SHPK: variants seen among roughly 807,000 people sequenced by gnomAD.
SHPK encodes the protein carbohydrate kinase-like protein.
Under a neutral mutation model 46.3 loss-of-function variants are expected in SHPK, and 51 were observed. That is an observed-to-expected ratio of 1.10 (90% CI 0.88 to 1.39). The LOEUF (loss-of-function observed/expected upper bound fraction) is 1.39. Among genes scored for constraint, SHPK ranks in the 40% most tolerant of loss-of-function variants. The pLI is 0.00. For missense variants in SHPK, 668 were observed against 641.3 expected (o/e 1.04, Z -0.45); for synonymous variants, 290 against 273.9 (o/e 1.06, Z -0.58).
chr17:3,631,160 A>AT (rs1242560543), intron 1 of SHPK, among the ~76,000 whole-genome samples: 14 of 152,054 alleles, frequency 9.2e-5, no homozygotes, highest in Non-Finnish European at 1.6e-4. Context: ...GAGGGGTAGG[A>AT]TGGGGCAGGG....
At chr17:3,620,265 CTT>C (rs546448686) in intron 5 of SHPK, among the ~76,000 whole-genome samples, 4 of 145,824 alleles carry the variant, frequency 2.7e-5, no homozygotes, top group Non-Finnish European at 4.6e-5. Context: ...TTCTACACTT[CTT>C]TTTTTTTTTT....
chr17:3,636,242 CCA>C lies in SHPK; in HGVS notation c.-25_-24del. Reference sequence around the variant, plus strand: ...CATTATCTCCCTGACCCGCGCAGCTCCAGTCTGCAGCCAGCGGCCCCACAAGT... The same window carrying C: ...CATTATCTCCCTGACCCGCGCAGCTCGTCTGCAGCCAGCGGCCCCACAAGT... On this transcript the variant is annotated 5_prime_UTR_variant, in exon 1 of 7. Transcript: ENST00000225519. 6.3e-7 allele frequency: 1 copy of C among 1,581,054 alleles called. No individual in the cohort carries two copies. The highest frequency in any genetic ancestry group is 8.6e-7 in the Non-Finnish European group (1 of 1,159,028).
At position 3,621,619 on chromosome 17, in the gene SHPK, C is replaced by CCTT. The variant is rs1555554366; in HGVS notation, c.648-208_648-207insAAG. Reference sequence around the variant, plus strand: ...CCATTCCTTCCCTCCCTCCCTCCCTCCCTTCCTTCCTTCCTTCCTTCTTTC... The same window carrying CCTT: ...CCATTCCTTCCCTCCCTCCCTCCCTCCTTCCTTCCTTCCTTCCTTCCTTCTTTC... On this transcript the variant is annotated intron_variant, in intron 4 of 6. Transcript: ENST00000225519. 1.7e-4 allele frequency among the ~76,000 whole-genome samples: 19 copies of CCTT among 112,302 alleles called. No homozygotes were observed. In the South Asian group the frequency reaches 3.6e-3, roughly 22 times the overall value. 73.7% of individuals were successfully genotyped at this position (112,302 alleles called of 152,430 possible).
chr17:3,634,901 G>T (rs1359000225), intron 1 of SHPK, among the ~76,000 whole-genome samples: 1 of 152,094 alleles, frequency 6.6e-6, no homozygotes, highest in African/African-American at 2.4e-5. Context: ...GCCAGGCGCA[G>T]TGACTCACAA....
Position 3,623,463 on chromosome 17 carries a change from C to A in SHPK, c.523G>T (p.Ala175Ser). Reference sequence around the variant, plus strand: ...ACCACATAGTCGTGGATGGTACCGGCTGCGTCGTAGGACTTCAGGAACTCT... The same window carrying A: ...ACCACATAGTCGTGGATGGTACCGGATGCGTCGTAGGACTTCAGGAACTCT... ...RPEFLKSYDA[A>S]GTIHDYVVAM... The change falls in exon 4 of 7, where the codon GCC (alanine) becomes TCC (serine). Residue 175 changes from alanine to serine, a missense_variant. Physicochemically the swap from Ala to Ser is moderately conservative, Grantham distance 99. Coordinates refer to ENST00000225519, the MANE Select transcript of SHPK (RefSeq NM_013276.4). 1 of 1,614,180 alleles carries A rather than the reference C, an allele frequency of 6.2e-7. No individual in the cohort carries two copies. Among genetic ancestry groups the A allele is most frequent in the Non-Finnish European group, 8.5e-7 (1 of 1,179,992 alleles).
intron 5 of SHPK, 123 bp downstream of exon 5, chr17:3,621,114 T>A: frequency 1.2e-6 from 1 of 828,614 alleles, no homozygotes; most frequent in Non-Finnish European, 1.8e-6. Flanking sequence ...CTTTACAGAA[T>A]AATGATCTCC....
At chr17:3,619,300 C>G (rs2075386094) in intron 5 of SHPK, 3 of 930,024 alleles carry the variant, frequency 3.2e-6, no homozygotes, top group Non-Finnish European at 5.1e-6. Context: ...AGCTTCACAT[C>G]TCTTTTGATC....
chr17:3,623,263 C>A, intron 4 of SHPK, 76 bp downstream of exon 4: 2 of 1,534,570 alleles, frequency 1.3e-6, no homozygotes, highest in Non-Finnish European at 1.8e-6. Flanking sequence ...TGGGAAAGCA[C>A]CCACTGAAGC....
At chr17:3,619,035 C>CTT (rs57225767) in intron 5 of SHPK, among the ~76,000 whole-genome samples, 13,245 of 149,046 alleles carry the variant, frequency 0.089, 743 homozygotes, top group East Asian at 0.23. Context: ...CATGTTCTCA[C>CTT]TTTTTTTTTT....
chr17:3,610,364 G>T lies in SHPK; in HGVS notation c.*196C>A. The T allele has an allele frequency of 1.7e-6, 1 of 592,138 alleles. No individual in the cohort carries two copies. The highest frequency in any genetic ancestry group is 2.9e-6 in the Non-Finnish European group (1 of 340,158). The allele number at this position is 592,138 out of a possible 1,614,324, so 36.7% of individuals were successfully genotyped here. A position where few individuals can be genotyped will look rare whatever the true frequency, so the allele number is the denominator to read the frequency against. The stretch of plus-strand genomic sequence containing the variant: ...TCAATTTCGGAAGGCACTCATTTGG[G>T]ATCTGGCTGACGGCTCCTGGCTGCA... On this transcript the variant is annotated 3_prime_UTR_variant, in exon 7 of 7. Coordinates refer to ENST00000225519, the MANE Select transcript of SHPK (RefSeq NM_013276.4).
At chr17:3,631,400 C>T (rs2075470866) in intron 1 of SHPK, among the ~76,000 whole-genome samples, 1 of 150,480 alleles carries the variant, frequency 6.6e-6, no homozygotes, top group Non-Finnish European at 1.5e-5. Context: ...CCTCACTGTC[C>T]AATACTGAAA....
At chr17:3,619,344 T>A (rs1597570564) in intron 5 of SHPK, 1 of 1,321,284 alleles carries the variant, frequency 7.6e-7, no homozygotes, top group Non-Finnish European at 1.1e-6. Flanking sequence ...GAGAGTTATC[T>A]GGACCTTGTT....
chr17:3,628,850 T>C (rs1353758043), intron 2 of SHPK, among the ~76,000 whole-genome samples: 1 of 152,154 alleles, frequency 6.6e-6, no homozygotes, highest in Non-Finnish European at 1.5e-5. Flanking sequence ...GGTCCCACTA[T>C]GTTGCCCAGG....
chr17:3,613,123 C>G (rs892264818), intron 6 of SHPK, among the ~76,000 whole-genome samples: 1 of 152,180 alleles, frequency 6.6e-6, no homozygotes, highest in African/African-American at 2.4e-5. Flanking sequence ...TTGTTAAAAG[C>G]TCCCAGAGGA....
chr17:3,628,595 A>C (rs1218706975), intron 2 of SHPK, among the ~76,000 whole-genome samples: 1 of 151,956 alleles, frequency 6.6e-6, no homozygotes, highest in Non-Finnish European at 1.5e-5. Flanking sequence ...TGCTGGGATT[A>C]CAGGCGTGAG....
At chr17:3,613,290 G>T (rs1034646078) in intron 6 of SHPK, among the ~76,000 whole-genome samples, 1 of 151,028 alleles carries the variant, frequency 6.6e-6, no homozygotes, top group Non-Finnish European at 1.5e-5. Flanking sequence ...TTCTGGGCGT[G>T]GGACCAGGAT....
At position 3,610,922 on chromosome 17, in the gene SHPK, C is replaced by T. The variant is rs377455112; in HGVS notation, c.1075G>A (p.Val359Met). The change falls in exon 7 of 7, where the codon GTG becomes ATG. Residue 359 changes from valine (V) to methionine (M), a missense_variant. By Grantham distance (21) the Val-to-Met change is conservative. Transcript: ENST00000225519. The stretch of plus-strand genomic sequence containing the variant: ...GTCAGGTGGGTATCTCTCTGCTGCA[C>T]AGCTGCCTGAATCATGCGTGAATAC... Reference protein sequence around the residue: ...TVYSRMIQAAVQQRDTHLTIT... With the variant: ...TVYSRMIQAAMQQRDTHLTIT... The T allele has an allele frequency of 5.0e-6, 8 of 1,613,676 alleles. No individual in the cohort carries two copies. In the African/African-American group the frequency reaches 8.0e-5, roughly 16 times the overall value.
chr17:3,628,326 CTTT>C, intron 2 of SHPK, among the ~76,000 whole-genome samples: 1 of 144,812 alleles, frequency 6.9e-6, no homozygotes, highest in East Asian at 2.0e-4. Context: ...TTCATAATTT[CTTT>C]TTTTTTTTTT....
In SHPK at chr17:3,626,768, T is replaced by C. The variant is rs200619727; in HGVS notation, c.311-2537A>G. Among the ~76,000 whole-genome samples, 38 of 149,804 alleles carry C rather than the reference T, an allele frequency of 2.5e-4. No homozygotes were observed. The East Asian group carries it at 7.3e-3, about 29-fold the overall frequency. ...AGCCAGGCATGGTGGCGGGTGCCTG[T>C]AGTAACAGTTACTTGGGAGGGGAAA... is the stretch of plus-strand genomic sequence containing the variant. On this transcript the variant is annotated intron_variant, in intron 2 of 6. Transcript: ENST00000225519.
Sources: gnomAD v4.1 joint callset for allele counts (sites outside exome capture counted in the v4.1 genomes callset) on GRCh38, gnomAD v4.1.1 for gene constraint, MANE v1.5 for transcripts, NCBI Gene and HGNC (gene_info 2026-07-23, HGNC 2026-07-21) for gene names.